AFF2: variants seen among roughly 807,000 people sequenced by gnomAD.
AFF2 encodes AF4/FMR2 family member 2.
A neutral mutation model predicts 76.9 loss-of-function variants in AFF2; 14 were observed. The observed-to-expected ratio is 0.18, with a 90% CI of 0.12 to 0.28. The LOEUF is 0.28. Ranked by LOEUF, AFF2 falls within the 10% of genes least tolerant of loss-of-function variation. The pLI, the probability that AFF2 is intolerant of heterozygous loss-of-function variation, is 1.00. For missense variants in AFF2, 868 were observed against 1,001.1 expected, an observed-to-expected ratio of 0.87 and a Z score of 1.79; for synonymous variants, 398 against 366.7, an observed-to-expected ratio of 1.09 and a Z score of -0.98.
chrX:148,756,531 T>C (rs2055562957), intron 3 of AFF2, among the ~76,000 whole-genome samples: 1 of 112,565 alleles, frequency 8.9e-6, no homozygotes, highest in African/African-American at 3.2e-5. Flanking sequence ...TATTTGAAAT[T>C]AAAAAGAAGA....
chrX:148,904,984 TTCTC>T lies in AFF2; in HGVS notation c.1397+728_1397+731del, dbSNP rs782317963. ...CCAGCTCTGTGGCTGAGGGAGGACT[TTCTC>T]TATTTGCTGGGCTATTATAGGTCTG... On this transcript the variant is annotated intron_variant, in intron 9 of 20. Coordinates refer to ENST00000370460, the MANE Select transcript of AFF2 (RefSeq NM_002025.4). Among the ~76,000 whole-genome samples, 4 of 111,936 alleles carry T rather than the reference TTCTC, an allele frequency of 3.6e-5. No individual in the cohort carries two copies. In the East Asian group the frequency reaches 1.1e-3, roughly 31 times the overall value.
chrX:148,954,942 T>C lies in AFF2; in HGVS notation c.1558-661T>C, dbSNP rs184222055. ...AGTTAGGAATCAAGGACCCGAATAG[T>C]ATGTATCATTGCCATGGTTTAGTGG... On this transcript the variant is annotated intron_variant, in intron 10 of 20. Transcript: ENST00000370460. 1.0e-3 allele frequency among the ~76,000 whole-genome samples: 115 copies of C among 112,721 alleles called. 1 individual carries two copies. The highest frequency in any genetic ancestry group is 3.0e-4 in the Non-Finnish European group (16 of 53,324).
chrX:148,892,424 A>C (rs1459431807), intron 8 of AFF2, among the ~76,000 whole-genome samples: 1 of 110,568 alleles, frequency 9.0e-6, no homozygotes, highest in Admixed American at 9.7e-5. Context: ...CTTATATTTG[A>C]TCCATTTTGA....
At chrX:148,699,454 G>A (rs983014284) in intron 3 of AFF2, among the ~76,000 whole-genome samples, 4 of 111,436 alleles carry the variant, frequency 3.6e-5, no homozygotes, top group East Asian at 2.8e-4. Context: ...AAATGTAGGG[G>A]TGATATTTGA....
At chrX:148,756,290 C>A (rs1262877613) in intron 3 of AFF2, among the ~76,000 whole-genome samples, 1 of 112,455 alleles carries the variant, frequency 8.9e-6, no homozygotes, top group Non-Finnish European at 1.9e-5. Context: ...GTAAGAATGG[C>A]ACTGGCTAAG....
chrX:148,525,752 G>A (rs782346035), intron 1 of AFF2, among the ~76,000 whole-genome samples: 1 of 112,250 alleles, frequency 8.9e-6, no homozygotes, highest in African/African-American at 3.2e-5. Flanking sequence ...CACAGAGAAA[G>A]ACAGGAAGAA....
intron 7 of AFF2, among the ~76,000 whole-genome samples, chrX:148,853,773 T>A (rs2070757499): frequency 8.9e-6 from 1 of 112,005 alleles, no homozygotes. Flanking sequence ...AGACTTAAAA[T>A]CAATAACTAT....
At chrX:148,990,813 C>T (rs1403149579) in intron 20 of AFF2, among the ~76,000 whole-genome samples, 2 of 112,114 alleles carry the variant, frequency 1.8e-5, no homozygotes, top group East Asian at 2.8e-4. Context: ...TCAGTAAACT[C>T]GGTTCATTTA....
chrX:148,512,770 G>A (rs1557233289), intron 1 of AFF2, among the ~76,000 whole-genome samples: 2 of 112,446 alleles, frequency 1.8e-5, no homozygotes, highest in African/African-American at 3.2e-5. Flanking sequence ...TAAATGACAT[G>A]CTGAATACAG....
chrX:148,689,431 G>A lies in AFF2; in HGVS notation c.1041+26663G>A, dbSNP rs192377681. On this transcript the variant is annotated intron_variant, in intron 3 of 20. Coordinates refer to ENST00000370460, the MANE Select transcript of AFF2 (RefSeq NM_002025.4). ...TGATTGTCCTGAAGGCCTGTCTTAC[G>A]AGATATGAATAGAAATGTTTGGAGT... Among the ~76,000 whole-genome samples, 115 of 110,789 alleles carry A rather than the reference G, an allele frequency of 1.0e-3. 1 individual carries two copies. Among genetic ancestry groups the A allele is most frequent in the Middle Eastern group, 4.6e-3 (1 of 216 alleles).
chrX:148,805,881 C>T (rs1317715430), intron 3 of AFF2, among the ~76,000 whole-genome samples: 7 of 112,371 alleles, frequency 6.2e-5, no homozygotes, highest in Admixed American at 3.7e-4. Flanking sequence ...ACAAGAGGGT[C>T]GTCTGGGGCC....
chrX:148,984,806 T>C (rs782413111), intron 19 of AFF2, among the ~76,000 whole-genome samples: 1 of 111,237 alleles, frequency 9.0e-6, no homozygotes, highest in African/African-American at 3.3e-5. Context: ...CTGGACATGA[T>C]TGGAAATCAT....
intron 16 of AFF2, 133 bp downstream of exon 16, chrX:148,973,740 T>C (rs1302264433): frequency 6.1e-6 from 4 of 655,843 alleles, no homozygotes; most frequent in African/African-American, 4.5e-5. Flanking sequence ...TCATAATTAG[T>C]TCTTGCCATT....
intron 4 of AFF2, among the ~76,000 whole-genome samples, chrX:148,818,569 C>T (rs1045560935): frequency 3.6e-5 from 4 of 111,711 alleles, no homozygotes; most frequent in African/African-American, 1.3e-4. Context: ...AAAACAAAAA[C>T]ATAAAATATT....
chrX:148,876,074 G>A (rs951469348), intron 7 of AFF2, among the ~76,000 whole-genome samples: 3 of 112,050 alleles, frequency 2.7e-5, no homozygotes, highest in Non-Finnish European at 5.6e-5. Flanking sequence ...ACTTTAACAT[G>A]AGAACACATT....
intron 1 of AFF2, among the ~76,000 whole-genome samples, chrX:148,631,398 G>A (rs4844065): frequency 0.31 from 30,377 of 99,126 alleles, 3,679 homozygotes; most frequent in African/African-American, 0.53. Flanking sequence ...CGACTGTCAA[G>A]CACATACGTA....
chrX:148,862,760 A>G (rs1307964406), intron 7 of AFF2, among the ~76,000 whole-genome samples: 1 of 112,459 alleles, frequency 8.9e-6, no homozygotes, highest in Non-Finnish European at 1.9e-5. Context: ...TCATTTAATT[A>G]TCATTTTAAT....
intron 8 of AFF2, among the ~76,000 whole-genome samples, chrX:148,897,187 T>C (rs1424365391): frequency 3.7e-5 from 3 of 81,514 alleles, no homozygotes; most frequent in Non-Finnish European, 7.1e-5. Context: ...CACACATATA[T>C]ATGATTCAGG....
intron 3 of AFF2, among the ~76,000 whole-genome samples, chrX:148,733,244 G>A (rs1417079750): frequency 9.0e-6 from 1 of 111,313 alleles, no homozygotes; most frequent in Non-Finnish European, 1.9e-5. Flanking sequence ...TTTAATTAAG[G>A]ATGGGTGAAA....
Sources: allele counts gnomAD v4.1 joint callset (sites outside exome capture counted in the v4.1 genomes callset), GRCh38; gene constraint gnomAD v4.1.1; transcripts MANE v1.5; gene names NCBI Gene and HGNC (gene_info 2026-07-23, HGNC 2026-07-21).